The following IFFO1 variants were observed in gnomAD, a reference collection of about 807,000 sequenced individuals.
The protein encoded by IFFO1 is intermediate filament family orphan 1.
In IFFO1, 42 loss-of-function variants were observed where a neutral mutation model predicts 59.6. That is an observed-to-expected ratio of 0.70 (90% confidence interval 0.55 to 0.91). The LOEUF (loss-of-function observed/expected upper bound fraction) is 0.91. Ranked by LOEUF, IFFO1 falls within the 40% of genes least tolerant of loss-of-function variation. IFFO1 has a pLI of 0.00. For synonymous variants in IFFO1, 336 were observed against 342.8 expected (o/e 0.98, Z 0.22); for missense variants, 711 against 793.2 (o/e 0.90, Z 1.24).
chr12:6,543,013 G>T (rs563342297), intron 8 of IFFO1, among the ~76,000 whole-genome samples: 1 of 152,216 alleles, frequency 6.6e-6, no homozygotes. Flanking sequence ...AGGTGAACGT[G>T]CATGTCAGGA....
rs1333966398 is a variant in IFFO1 at position 6,541,881 on chromosome 12, C to T, written c.1480-239G>A. ...ATGGAGGAATGCAAAGGTACTGCTG[C>T]AGGCTGTGTTCTTTTAAGACTGATA... On this transcript the variant is annotated intron_variant, in intron 8 of 9. Transcript: ENST00000619571. This position sits in a 1 kb window ranked among gnomAD's most constrained non-coding sequence, Gnocchi z 4.8. 6.6e-6 allele frequency among the ~76,000 whole-genome samples: 1 copy of T among 152,204 alleles called. No homozygotes were observed. The highest frequency in any genetic ancestry group is 1.5e-5 in the Non-Finnish European group (1 of 68,036).
In IFFO1 at chr12:6,555,707, G is replaced by A; in HGVS notation, c.323C>T (p.Ala108Val). 6.2e-7 allele frequency: 1 copy of A among 1,612,094 alleles called. No homozygotes were observed. The highest frequency in any genetic ancestry group is 8.5e-7 in the Non-Finnish European group (1 of 1,179,228). ...CCGGCCCTGCTTACCCTCCTCCAGCGCTTGCTGCAGTTGCTTCTCCAACAG... is the reference window on the plus strand; with the variant it reads ...CCGGCCCTGCTTACCCTCCTCCAGCACTTGCTGCAGTTGCTTCTCCAACAG... Reference protein sequence around the residue: ...NRLLEKQLQQALEEGKQGRRG... With the variant: ...NRLLEKQLQQVLEEGKQGRRG... The change falls in exon 1 of 10, where the codon GCG (alanine) becomes GTG (valine). Residue 108 changes from alanine to valine, a missense_variant. Around this residue, in one of 3 missense-constraint regions of IFFO1, gnomAD observed 579 missense variants for 650.3 expected, o/e 0.89. Coordinates refer to ENST00000619571, the MANE Select transcript of IFFO1 (RefSeq NM_001193457.2). This position sits in a 1 kb window ranked among gnomAD's most constrained non-coding sequence, Gnocchi z 8.6.
At chr12:6,543,406 A>G (rs7132298) in intron 8 of IFFO1, 54,895 of 152,052 alleles carry the variant, frequency 0.36, 11,100 homozygotes, top group African/African-American at 0.54. Context: ...CTGGCATTAC[A>G]GCCTGAGCTC....
chr12:6,550,494 G>A (rs1281734802), intron 3 of IFFO1: 15 of 580,248 alleles, frequency 2.6e-5, no homozygotes, highest in East Asian at 5.6e-5. Context: ...CAGAAGCTGC[G>A]CCACCTCTGT....
At position 6,548,966 on chromosome 12, in the gene IFFO1, A is replaced by T; in HGVS notation, c.1081-117T>A. The T allele has an allele frequency of 1.2e-6, 1 of 835,578 alleles. No individual in the cohort carries two copies. Among genetic ancestry groups the T allele is most frequent in the South Asian group, 1.7e-5 (1 of 58,300 alleles). 51.8% of individuals were successfully genotyped at this position (835,578 alleles called of 1,614,324 possible). On this transcript the variant is annotated intron_variant, in intron 5 of 9. Coordinates refer to ENST00000619571, the MANE Select transcript of IFFO1 (RefSeq NM_001193457.2). This position sits in a 1 kb window ranked among gnomAD's most constrained non-coding sequence, Gnocchi z 6.1. ...AGGAAGGGGGGGCAGACAGAGAGAA[A>T]AGTCACAGTTACAATGACAGGAACA...
intron 1 of IFFO1, among the ~76,000 whole-genome samples, chr12:6,553,140 T>G (rs1222026980): frequency 6.6e-6 from 1 of 152,078 alleles, no homozygotes; most frequent in African/African-American, 2.4e-5. Context: ...ACAGTGTTGC[T>G]ATAAAGAGAC....
Position 6,548,607 on chromosome 12 carries a change from A to T in IFFO1, c.1262+61T>A, listed in dbSNP as rs1947079903. ...GCCTCGTCCTGGCGGGGGACTGGGG[A>T]GCTCCGGCCTCCTGGGCTGCTGTGG... On this transcript the variant is annotated intron_variant, in intron 6 of 9. Coordinates refer to ENST00000619571, the MANE Select transcript of IFFO1 (RefSeq NM_001193457.2). The surrounding 1 kb of genome is among the most constrained non-coding windows in gnomAD (Gnocchi z 6.1). The T allele has an allele frequency of 6.2e-7, 1 of 1,613,096 alleles. No individual in the cohort carries two copies. Among genetic ancestry groups the T allele is most frequent in the Non-Finnish European group, 8.5e-7 (1 of 1,179,558 alleles).
chr12:6,548,867 G>A lies in IFFO1; in HGVS notation c.1081-18C>T. On this transcript the variant is annotated intron_variant, in intron 5 of 9. Coordinates refer to ENST00000619571, the MANE Select transcript of IFFO1 (RefSeq NM_001193457.2). This position sits in a 1 kb window ranked among gnomAD's most constrained non-coding sequence, Gnocchi z 6.1. Reference sequence around the variant, plus strand: ...TGCAGAGACTACAGAGACGAGGCCGGGTGCATGAGGAGAAAGGGCGGGAGC... The same window carrying A: ...TGCAGAGACTACAGAGACGAGGCCGAGTGCATGAGGAGAAAGGGCGGGAGC... 6.3e-7 allele frequency: 1 copy of A among 1,591,884 alleles called. No homozygotes were observed. Among genetic ancestry groups the A allele is most frequent in the Non-Finnish European group, 8.6e-7 (1 of 1,166,298 alleles).
chr12:6,550,626 T>C, intron 3 of IFFO1, 69 bp downstream of exon 3: 2 of 1,232,938 alleles, frequency 1.6e-6, no homozygotes, highest in Non-Finnish European at 2.4e-6. Context: ...AGGCCAACAC[T>C]AGAAGGGCCT....
chr12:6,555,248 A>G lies in IFFO1; in HGVS notation c.773+9T>C. ...ACAGAGAGACCTGTCCCCCTTTCCC[A>G]ATCCCTACCTCCGCTTGTACTCGTC... On this transcript the variant is annotated intron_variant, in intron 1 of 9. Coordinates refer to ENST00000619571, the MANE Select transcript of IFFO1 (RefSeq NM_001193457.2). The surrounding 1 kb of genome is among the most constrained non-coding windows in gnomAD (Gnocchi z 8.6). 6.2e-7 allele frequency: 1 copy of G among 1,613,728 alleles called. No homozygotes were observed. The highest frequency in any genetic ancestry group is 8.5e-7 in the Non-Finnish European group (1 of 1,179,822).
At position 6,548,401 on chromosome 12, in the gene IFFO1, C is replaced by T; in HGVS notation, c.1383+24G>A. On this transcript the variant is annotated intron_variant, in intron 7 of 9. Coordinates refer to ENST00000619571, the MANE Select transcript of IFFO1 (RefSeq NM_001193457.2). This position sits in a 1 kb window ranked among gnomAD's most constrained non-coding sequence, Gnocchi z 6.1. The stretch of plus-strand genomic sequence containing the variant: ...GGCTGGAGAGGCAGAGCCAGAGGGC[C>T]CTGAGGCCGGGAGCAGAGGTTACCT... The T allele has an allele frequency of 6.3e-7, 1 of 1,592,082 alleles. No homozygotes were observed. The highest frequency in any genetic ancestry group is 8.6e-7 in the Non-Finnish European group (1 of 1,169,542).
At chr12:6,542,728 G>C (rs1256100737) in intron 8 of IFFO1, among the ~76,000 whole-genome samples, 1 of 152,184 alleles carries the variant, frequency 6.6e-6, no homozygotes, top group Non-Finnish European at 1.5e-5. Flanking sequence ...CCACAGTAGT[G>C]GGAGGAGCAG....
Position 6,548,909 on chromosome 12 carries a change from A to G in IFFO1, c.1081-60T>C. ...GGCGGGAGCGGGAGGCCGGGCAGAGAGGGTGGGAATGGGGGAGAAGCATGA... is the reference window on the plus strand; with the variant it reads ...GGCGGGAGCGGGAGGCCGGGCAGAGGGGGTGGGAATGGGGGAGAAGCATGA... On this transcript the variant is annotated intron_variant, in intron 5 of 9. Coordinates refer to ENST00000619571, the MANE Select transcript of IFFO1 (RefSeq NM_001193457.2). This position sits in a 1 kb window ranked among gnomAD's most constrained non-coding sequence, Gnocchi z 6.1. 6.9e-7 allele frequency: 1 copy of G among 1,457,326 alleles called. No homozygotes were observed. Among genetic ancestry groups the G allele is most frequent in the African/African-American group, 1.4e-5 (1 of 71,412 alleles). The allele number at this position is 1,457,326 out of a possible 1,614,324, so 90.3% of individuals were successfully genotyped here. A position where few individuals can be genotyped will look rare whatever the true frequency, so the allele number is the denominator to read the frequency against.
intron 8 of IFFO1, among the ~76,000 whole-genome samples, chr12:6,542,295 C>T (rs904723434): frequency 9.9e-5 from 15 of 152,200 alleles, no homozygotes; most frequent in Admixed American, 3.3e-4. Context: ...AAATGTCACA[C>T]GTGGAAAACA....
rs1947119698 is a variant in IFFO1 at position 6,549,165 on chromosome 12, A to C, written c.1080+311T>G. 2 of 509,296 alleles carry C rather than the reference A, an allele frequency of 3.9e-6. No homozygotes were observed. Among genetic ancestry groups the C allele is most frequent in the Non-Finnish European group, 6.9e-6 (2 of 290,360 alleles). The allele number at this position is 509,296 out of a possible 1,614,324, so 31.5% of individuals were successfully genotyped here. ...CAAGAGGAAATTTTTTTCTAAAAAA[A>C]GTCTTTTTGATTAAATGACTCAACT... is the stretch of plus-strand genomic sequence containing the variant. On this transcript the variant is annotated intron_variant, in intron 5 of 9. Coordinates refer to ENST00000619571, the MANE Select transcript of IFFO1 (RefSeq NM_001193457.2). The surrounding 1 kb of genome is among the most constrained non-coding windows in gnomAD (Gnocchi z 5.0).
chr12:6,543,131 C>T (rs1469710191), intron 8 of IFFO1, among the ~76,000 whole-genome samples: 1 of 152,098 alleles, frequency 6.6e-6, no homozygotes, highest in African/African-American at 2.4e-5. Flanking sequence ...GGAAGAACTG[C>T]CTCCCGCCCA....
At chr12:6,546,904 TTC>T (rs1374794802) in intron 8 of IFFO1, among the ~76,000 whole-genome samples, 1 of 152,160 alleles carries the variant, frequency 6.6e-6, no homozygotes, top group Non-Finnish European at 1.5e-5. Context: ...GCATGGAGAT[TTC>T]TCTGTTATCT....
Position 6,549,512 on chromosome 12 carries a change from G to A in IFFO1, c.1072-28C>T, listed in dbSNP as rs1206584649. The A allele has an allele frequency of 1.9e-6, 3 of 1,589,084 alleles. No individual in the cohort carries two copies. The African/African-American group carries it at 4.0e-5, about 21-fold the overall frequency. ...GTGGAGGAAGCAAGAGAGAAGATGA[G>A]AGGAAGAGAGGAGAGGAAGCAGACA... On this transcript the variant is annotated intron_variant, in intron 4 of 9. Coordinates refer to ENST00000619571, the MANE Select transcript of IFFO1 (RefSeq NM_001193457.2). This position sits in a 1 kb window ranked among gnomAD's most constrained non-coding sequence, Gnocchi z 5.0.
intron 3 of IFFO1, 182 bp downstream of exon 3, chr12:6,550,513 A>G: frequency 1.7e-6 from 1 of 594,594 alleles, no homozygotes; most frequent in Non-Finnish European, 3.0e-6. Flanking sequence ...GTGACGCAAC[A>G]CCGAGACTTT....
Sources: gnomAD v4.1 joint callset for allele counts (sites outside exome capture counted in the v4.1 genomes callset) on GRCh38, gnomAD v4.1.1 for gene constraint, gnomAD v4.1.1 regional missense constraint, Gnocchi (gnomAD v3.1) non-coding constraint, MANE v1.5 for transcripts, NCBI Gene and HGNC (gene_info 2026-07-23, HGNC 2026-07-21) for gene names.